PJA2: variants seen among roughly 807,000 people sequenced by gnomAD.
The protein encoded by PJA2 is praja ring finger ubiquitin ligase 2.
A neutral mutation model predicts 69.3 loss-of-function variants in PJA2; 25 were observed. The ratio of observed to expected loss-of-function variants is 0.36; its 90% confidence interval spans 0.26 to 0.50. The LOEUF (loss-of-function observed/expected upper bound fraction) is 0.50, where lower values mean the gene tolerates loss of function less well. PJA2 is among the 20% of genes least tolerant of loss of function. The probability of loss-of-function intolerance (pLI) is 0.96; values close to 1 mark genes in which losing one functional copy is unlikely to be tolerated. For synonymous variants in PJA2, 308 were observed against 277.8 expected (o/e 1.11, Z -1.08); for missense variants, 809 against 830.2 (o/e 0.97, Z 0.31).
intron 7 of PJA2, among the ~76,000 whole-genome samples, chr5:109,350,729 C>T (rs1391107923): frequency 6.6e-6 from 1 of 152,186 alleles, no homozygotes; most frequent in African/African-American, 2.4e-5. Context: ...TCCAAGGTCA[C>T]ACAGCCAAAC....
chr5:109,368,678 T>C lies in PJA2; in HGVS notation c.1352A>G (p.Gln451Arg), dbSNP rs750265874. 5.0e-6 allele frequency: 8 copies of C among 1,614,166 alleles called. No homozygotes were observed. Among genetic ancestry groups the C allele is most frequent in the Non-Finnish European group, 5.1e-6 (6 of 1,180,020 alleles). ...PHRFSGTEKD[Q>R]SSSDESWETL... is the part of the protein sequence containing the mutation. ...CTCCCAGCTTTCATCACTTGAGGAT[T>C]GATCTTTTTCTGTACCAGAAAATCG... The change falls in exon 5 of 10, where the codon CAA (glutamine) becomes CGA (arginine). Residue 451 changes from glutamine (Q) to arginine (R), a missense_variant. This residue lies in a region of PJA2 where 700 missense variants were observed against 639.5 expected (regional missense o/e 1.09). Transcript: ENST00000361189.
chr5:109,372,750 A>G (rs1762692914), intron 4 of PJA2, among the ~76,000 whole-genome samples: 1 of 151,750 alleles, frequency 6.6e-6, no homozygotes, highest in Non-Finnish European at 1.5e-5. Flanking sequence ...TACTAAAAAT[A>G]CAAAATTAGC....
In PJA2 at chr5:109,373,368, G is replaced by T. The variant is rs556301390; in HGVS notation, c.1284-4622C>A. Among the ~76,000 whole-genome samples, 37 of 152,194 alleles carry T rather than the reference G, an allele frequency of 2.4e-4. No individual in the cohort carries two copies. In the South Asian group the frequency reaches 7.7e-3, roughly 32 times the overall value. ...TAACTAGAGGCACAGAATGAGAGGGGCTACCTCTCTTCATTGAAGAGGAAA... is the reference window on the plus strand; with the variant it reads ...TAACTAGAGGCACAGAATGAGAGGGTCTACCTCTCTTCATTGAAGAGGAAA... On this transcript the variant is annotated intron_variant, in intron 4 of 9. Coordinates refer to ENST00000361189, the MANE Select transcript of PJA2 (RefSeq NM_014819.5).
intron 6 of PJA2, 30 bp from the exon 7 acceptor site, chr5:109,356,056 C>T: frequency 1.4e-6 from 2 of 1,447,044 alleles, no homozygotes; most frequent in Non-Finnish European, 9.6e-7. Context: ...ACAGAAAAAA[C>T]TCACCACTAT....
At chr5:109,348,473 G>A (rs1762204068) in intron 7 of PJA2, among the ~76,000 whole-genome samples, 2 of 152,286 alleles carry the variant, frequency 1.3e-5, no homozygotes, top group South Asian at 2.1e-4. Flanking sequence ...AACCTGGAAT[G>A]AAGACATCTG....
chr5:109,343,780 G>T lies in PJA2; in HGVS notation c.2001+410C>A, dbSNP rs116026268. Among the ~76,000 whole-genome samples the T allele has an allele frequency of 6.7e-3, 1,021 of 152,182 alleles. 11 individuals are homozygous for T. The highest frequency in any genetic ancestry group is 0.024 in the African/African-American group (977 of 41,508). On this transcript the variant is annotated intron_variant, in intron 9 of 9. Coordinates refer to ENST00000361189, the MANE Select transcript of PJA2 (RefSeq NM_014819.5). ...AATTAAAAAGTACTACAAATTTGCG[G>T]CTAAATAAAACAGGTTTAAAAGATA...
At chr5:109,379,871 A>T (rs908929515) in intron 3 of PJA2, among the ~76,000 whole-genome samples, 1 of 152,200 alleles carries the variant, frequency 6.6e-6, no homozygotes, top group Non-Finnish European at 1.5e-5. Context: ...AAAGAGATCA[A>T]TATGTTGATT....
At position 109,380,897 on chromosome 5, in the gene PJA2, G is replaced by A. The variant is rs1335064992; in HGVS notation, c.232+606C>T. On this transcript the variant is annotated intron_variant, in intron 3 of 9. Coordinates refer to ENST00000361189, the MANE Select transcript of PJA2 (RefSeq NM_014819.5). The stretch of plus-strand genomic sequence containing the variant: ...GCCAGCCAAGACAGGTGGATCACTT[G>A]AGAGGTCAGGAGTTTGAGATCAGCC... Among the ~76,000 whole-genome samples the A allele has an allele frequency of 2.0e-5, 3 of 151,110 alleles. No homozygotes were observed. The East Asian group carries it at 5.8e-4, about 29-fold the overall frequency.
At chr5:109,358,889 T>C (rs1582597426) in intron 6 of PJA2, among the ~76,000 whole-genome samples, 1 of 152,146 alleles carries the variant, frequency 6.6e-6, no homozygotes, top group East Asian at 1.9e-4. Flanking sequence ...CTAAAACTAG[T>C]GGATGGAAGT....
At chr5:109,369,473 T>C (rs1762639217) in intron 4 of PJA2, among the ~76,000 whole-genome samples, 1 of 152,238 alleles carries the variant, frequency 6.6e-6, no homozygotes, top group Admixed American at 6.5e-5. Flanking sequence ...TTAAATACAA[T>C]TTGGTAATCT....
chr5:109,369,061 T>C (rs939784888), intron 4 of PJA2, among the ~76,000 whole-genome samples: 16 of 152,148 alleles, frequency 1.1e-4, no homozygotes, highest in African/African-American at 3.1e-4. Context: ...AGAAGCCTTG[T>C]TCCTGCTCTG....
At chr5:109,392,406 C>T (rs916930365) in intron 1 of PJA2, among the ~76,000 whole-genome samples, 2 of 151,670 alleles carry the variant, frequency 1.3e-5, no homozygotes, top group Non-Finnish European at 2.9e-5. Flanking sequence ...ACTAAAAATA[C>T]AAAAATTTGC....
At chr5:109,356,959 G>C (rs1343169368) in intron 6 of PJA2, among the ~76,000 whole-genome samples, 1 of 151,914 alleles carries the variant, frequency 6.6e-6, no homozygotes, top group East Asian at 1.9e-4. Flanking sequence ...CTCTAGTCTT[G>C]GAAATACTAT....
chr5:109,405,976 G>A (rs1469992390), intron 1 of PJA2, among the ~76,000 whole-genome samples: 1 of 150,152 alleles, frequency 6.7e-6, no homozygotes, highest in African/African-American at 2.4e-5. Context: ...ATGTATCTCT[G>A]TGTGTCAAAT....
Position 109,344,383 on chromosome 5 carries a change from T to C in PJA2, c.1880-72A>G, listed in dbSNP as rs148530065. On this transcript the variant is annotated intron_variant, in intron 8 of 9. Coordinates refer to ENST00000361189, the MANE Select transcript of PJA2 (RefSeq NM_014819.5). ...AGTAAAACTGAAAAGCAACATATTA[T>C]ACTCATAGAAGATACCTCTGAAAGA... 601 of 1,473,664 alleles carry C rather than the reference T, an allele frequency of 4.1e-4. 3 individuals are homozygous for C. In the African/African-American group the frequency reaches 7.8e-3, roughly 19 times the overall value. 91.3% of individuals were successfully genotyped at this position (1,473,664 alleles called of 1,614,324 possible).
Position 109,379,024 on chromosome 5 carries a change from T to C in PJA2, c.463A>G (p.Ser155Gly), listed in dbSNP as rs113677162. ...EYIPGACSAS[S>G]VQNGIALVHT... ...ACCAATGCAATTCCATTTTGGACACTTGAAGCACTACAAGCTCCTGGAATA... is the reference window on the plus strand; with the variant it reads ...ACCAATGCAATTCCATTTTGGACACCTGAAGCACTACAAGCTCCTGGAATA... Residue 155 changes from serine (S) to glycine (G), a missense_variant, in exon 4 of 10, where the codon AGT becomes GGT. By Grantham distance (56) the Ser-to-Gly change is moderately conservative. Transcript: ENST00000361189. 36 of 1,614,166 alleles carry C rather than the reference T, an allele frequency of 2.2e-5. No individual in the cohort carries two copies. In the South Asian group the frequency reaches 2.6e-4, roughly 12 times the overall value.
chr5:109,398,778 T>A (rs949890759), intron 1 of PJA2, among the ~76,000 whole-genome samples: 7 of 147,412 alleles, frequency 4.7e-5, no homozygotes, highest in East Asian at 2.0e-4. Flanking sequence ...AAGTATAATT[T>A]AAAAAAAAAA....
chr5:109,405,096 C>T (rs982165299), intron 1 of PJA2, among the ~76,000 whole-genome samples: 1 of 152,136 alleles, frequency 6.6e-6, no homozygotes, highest in East Asian at 1.9e-4. Flanking sequence ...AGCAAGGTTG[C>T]AAGCATCAAG....
intron 1 of PJA2, among the ~76,000 whole-genome samples, chr5:109,391,908 C>T (rs1192527529): frequency 6.6e-6 from 1 of 152,040 alleles, no homozygotes; most frequent in Non-Finnish European, 1.5e-5. Flanking sequence ...GAAAGAAACC[C>T]AATGAAAGAT....
Sources: gnomAD v4.1 joint callset for allele counts (sites outside exome capture counted in the v4.1 genomes callset) on GRCh38, gnomAD v4.1.1 for gene constraint, gnomAD v4.1.1 regional missense constraint, MANE v1.5 for transcripts, NCBI Gene and HGNC (gene_info 2026-07-23, HGNC 2026-07-21) for gene names.